KCTD15: variants seen among roughly 807,000 people sequenced by gnomAD.
The protein encoded by KCTD15 is BTB/POZ domain-containing protein KCTD15.
KCTD15 carries 11 observed loss-of-function variants against 27.2 expected under a neutral mutation model. The observed-to-expected ratio is 0.41, with a 90% CI of 0.25 to 0.67. The LOEUF (loss-of-function observed/expected upper bound fraction) is 0.67, where lower values mean the gene tolerates loss of function less well. Among genes scored for constraint, KCTD15 ranks in the 30% least tolerant of loss-of-function variants. The probability of loss-of-function intolerance (pLI) is 0.35; values close to 1 mark genes in which losing one functional copy is unlikely to be tolerated. For missense variants in KCTD15, 350 were observed against 409.3 expected (o/e 0.86, Z 1.25); for synonymous variants, 163 against 176.0 (o/e 0.93, Z 0.58).
Position 33,800,420 on chromosome 19 carries a change from T to G in KCTD15, c.-27-8T>G. 3.2e-6 allele frequency: 5 copies of G among 1,585,780 alleles called. No homozygotes were observed. Among genetic ancestry groups the G allele is most frequent in the Non-Finnish European group, 4.3e-6 (5 of 1,166,194 alleles). On this transcript the variant is annotated splice_region_variant and splice_polypyrimidine_tract_variant and intron_variant, in intron 2 of 6. Transcript: ENST00000683859. ...AGCCTTCTCTGGTTTTGTCGATGCC[T>G]CCCGCAGATACTCTGGGCAGGGATG...
At chr19:33,806,764 T>A in intron 4 of KCTD15, 99 bp from the exon 5 acceptor site, 1 of 1,402,472 alleles carries the variant, frequency 7.1e-7, no homozygotes, top group Non-Finnish European at 9.8e-7. Flanking sequence ...CCCTCGCCCC[T>A]CCAGCCGTGT....
rs1229054677 is a variant in KCTD15 at position 33,814,373 on chromosome 19, A to G, written c.*1425A>G. ...TTCCCATCGAGGAATAACCCGCAGCAGTGGTGGAGGAAGGTCAGTGGCTGG... is the reference window on the plus strand; with the variant it reads ...TTCCCATCGAGGAATAACCCGCAGCGGTGGTGGAGGAAGGTCAGTGGCTGG... On this transcript the variant is annotated 3_prime_UTR_variant, in exon 7 of 7. Coordinates refer to ENST00000683859, the MANE Select transcript of KCTD15 (RefSeq NM_001129994.2). The G allele has an allele frequency of 6.6e-6, 1 of 152,198 alleles. No individual in the cohort carries two copies. The highest frequency in any genetic ancestry group is 6.6e-5 in the Admixed American group (1 of 15,262). The allele number at this position is 152,198 out of a possible 1,614,324, so 9.4% of individuals were successfully genotyped here.
At chr19:33,811,660 C>G (rs752587198) in intron 6 of KCTD15, 108 bp downstream of exon 6, 1 of 1,502,974 alleles carries the variant, frequency 6.7e-7, no homozygotes, top group Admixed American at 1.9e-5. Flanking sequence ...GGTGAAGCCC[C>G]CCGTGCCATC....
upstream of KCTD15, chr19:33,796,783 C>T (rs1423091987): frequency 8.9e-6 from 1 of 112,122 alleles, no homozygotes; most frequent in African/African-American, 3.5e-5. Flanking sequence ...CCCCGGCGCG[C>T]CGCGCCGCGA....
At chr19:33,812,181 A>G in intron 6 of KCTD15, 1 of 1,145,738 alleles carries the variant, frequency 8.7e-7, no homozygotes, top group Middle Eastern at 3.7e-4. Context: ...TAGTTGCAGG[A>G]GACGGGTGTT....
At chr19:33,806,713 T>C in intron 4 of KCTD15, 150 bp from the exon 5 acceptor site, 3 of 805,472 alleles carry the variant, frequency 3.7e-6, no homozygotes, top group Non-Finnish European at 5.9e-6. Context: ...TGTGCAGATG[T>C]TGTCAGGCCT....
intron 5 of KCTD15, among the ~76,000 whole-genome samples, chr19:33,807,451 C>T (rs1034643369): frequency 6.6e-6 from 1 of 152,136 alleles, no homozygotes; most frequent in African/African-American, 2.4e-5. Context: ...AGGCCTGGAG[C>T]GGTGGCTCAC....
intron 4 of KCTD15, among the ~76,000 whole-genome samples, chr19:33,802,572 C>A (rs1975592213): frequency 6.6e-6 from 1 of 152,090 alleles, no homozygotes; most frequent in Non-Finnish European, 1.5e-5. Flanking sequence ...TTCCAGTACC[C>A]CAGGTGGACA....
intron 3 of KCTD15, 114 bp from the exon 4 acceptor site, chr19:33,801,053 A>T (rs1599671699): frequency 2.0e-6 from 2 of 986,874 alleles, no homozygotes; most frequent in East Asian, 2.5e-5. Context: ...GGCAGAAGTG[A>T]TCTGATTAGA....
Position 33,806,980 on chromosome 19 carries a change from C to T in KCTD15, c.360C>T (p.Ser120=), listed in dbSNP as rs747661874. Residue 120 remains serine, a synonymous_variant, in exon 5 of 7, where the codon TCC becomes TCT. Transcript: ENST00000683859. Reference sequence around the variant, plus strand: ...ACGTCCTGAGCTTCCTGCGGACGTCCAAGCTGCTGCTTCCGGATGACTTTA... The same window carrying T: ...ACGTCCTGAGCTTCCTGCGGACGTCTAAGCTGCTGCTTCCGGATGACTTTA... ...FRYVLSFLRT[S]KLLLPDDFKD... The T allele has an allele frequency of 6.2e-7, 1 of 1,614,140 alleles. No homozygotes were observed. The highest frequency in any genetic ancestry group is 1.1e-5 in the South Asian group (1 of 91,078).
At position 33,815,616 on chromosome 19, in the gene KCTD15, G is replaced by A. The variant is rs528336845; in HGVS notation, c.*2668G>A. 6 of 151,750 alleles carry A rather than the reference G, an allele frequency of 4.0e-5. No individual in the cohort carries two copies. The highest frequency in any genetic ancestry group is 6.6e-5 in the Admixed American group (1 of 15,264). 9.4% of individuals were successfully genotyped at this position (151,750 alleles called of 1,614,324 possible). A position where few individuals can be genotyped will look rare whatever the true frequency, so the allele number is the denominator to read the frequency against. The stretch of plus-strand genomic sequence containing the variant: ...AGAACTCGCAAAGCCACAGCAGGCG[G>A]TCTCAGCCACCGTCCCGCTCACAGG... On this transcript the variant is annotated 3_prime_UTR_variant, in exon 7 of 7. Coordinates refer to ENST00000683859, the MANE Select transcript of KCTD15 (RefSeq NM_001129994.2).
chr19:33,809,474 TG>T (rs1426150584), intron 5 of KCTD15, among the ~76,000 whole-genome samples: 3 of 150,886 alleles, frequency 2.0e-5, no homozygotes, highest in Non-Finnish European at 2.9e-5. Flanking sequence ...GCTGTGGGAG[TG>T]GGGTTTCTGC....
chr19:33,806,929 T>C lies in KCTD15; in HGVS notation c.309T>C (p.Ile103=), dbSNP rs963370666. 2 of 1,614,078 alleles carry C rather than the reference T, an allele frequency of 1.2e-6. No individual in the cohort carries two copies. Among genetic ancestry groups the C allele is most frequent in the African/African-American group, 2.7e-5 (2 of 74,910 alleles). Residue 103 remains isoleucine (I), a synonymous_variant, in exon 5 of 7, where the codon ATT becomes ATC. Transcript: ENST00000683859. ...ACAGTTTGAAGCAACATTATTTCATTGACCGGGATGGGGAGATTTTCCGCT... is the reference window on the plus strand; with the variant it reads ...ACAGTTTGAAGCAACATTATTTCATCGACCGGGATGGGGAGATTTTCCGCT... ...VLDSLKQHYF[I]DRDGEIFRYV... is the part of the protein sequence containing the mutation.
upstream of KCTD15, chr19:33,796,112 C>T (rs571120158): frequency 2.0e-5 from 3 of 151,898 alleles, no homozygotes; most frequent in Admixed American, 6.5e-5. Flanking sequence ...ATGTGAGAAA[C>T]GTGCCCTGTG....
rs775416913 is a variant in KCTD15, at chr19:33,811,416, A to T, written c.557A>T (p.Glu186Val). The change falls in exon 6 of 7, where the codon GAG becomes GTG. Residue 186 changes from glutamate to valine, a missense_variant. Around this residue, in one of 3 missense-constraint regions of KCTD15, gnomAD observed 219 missense variants for 234.9 expected, o/e 0.93. Coordinates refer to ENST00000683859, the MANE Select transcript of KCTD15 (RefSeq NM_001129994.2). ...GGCGAGCGGATCGCACTCAGCGGCG[A>T]GAAGGCCCTCATCGAGGAGGTCTTC... ...DLGERIALSG[E>V]KALIEEVFPE... 2.5e-6 allele frequency: 4 copies of T among 1,611,148 alleles called. No homozygotes were observed. Among genetic ancestry groups the T allele is most frequent in the Non-Finnish European group, 3.4e-6 (4 of 1,179,078 alleles).
chr19:33,810,255 G>A (rs1004193208), intron 5 of KCTD15, among the ~76,000 whole-genome samples: 6 of 152,192 alleles, frequency 3.9e-5, no homozygotes, highest in African/African-American at 9.6e-5. Flanking sequence ...AGGGGGCTGC[G>A]TGGCAGGGGG....
chr19:33,797,801 A>G (rs1975390800), intron 1 of KCTD15, among the ~76,000 whole-genome samples: 1 of 152,252 alleles, frequency 6.6e-6, no homozygotes, highest in Admixed American at 6.5e-5. Flanking sequence ...CGAGTGAATA[A>G]CAGCATTAGT....
chr19:33,796,302 TGGGGCCTGGGCGCACCGCTCCCGGGA>T (rs1454953675), upstream of KCTD15: 2 of 148,964 alleles, frequency 1.3e-5, no homozygotes, highest in Non-Finnish European at 3.0e-5. Flanking sequence ...CGGAGGGCGC[TGGGGCCTGGGCGCACCGCTCCCGGGA>T]GGGTCCTGGC....
intron 6 of KCTD15, chr19:33,812,391 G>A: frequency 9.6e-7 from 1 of 1,037,372 alleles, no homozygotes; most frequent in Non-Finnish European, 1.2e-6. Flanking sequence ...TGAAGGACAG[G>A]GAACTCTCCA....
Sources: allele counts gnomAD v4.1 joint callset (sites outside exome capture counted in the v4.1 genomes callset), GRCh38; gene constraint gnomAD v4.1.1; regional missense constraint gnomAD v4.1.1; transcripts MANE v1.5; gene names NCBI Gene and HGNC (gene_info 2026-07-23, HGNC 2026-07-21).